Variants in CAPRIN1 observed in about 807,000 individuals in gnomAD.
CAPRIN1 encodes caprin-1.
Under a neutral mutation model 100.9 loss-of-function variants are expected in CAPRIN1, and 29 were observed. The ratio of observed to expected loss-of-function variants is 0.29; its 90% CI spans 0.21 to 0.39. The LOEUF (loss-of-function observed/expected upper bound fraction) is 0.39. Among genes scored for constraint, CAPRIN1 ranks in the 10% least tolerant of loss-of-function variants. The probability of loss-of-function intolerance (pLI) is 1.00; values close to 1 mark genes in which losing one functional copy is unlikely to be tolerated. For missense variants in CAPRIN1, 795 were observed against 876.7 expected (o/e 0.91, Z 1.18); for synonymous variants, 338 against 307.5 (o/e 1.10, Z -1.04).
intron 9 of CAPRIN1, among the ~76,000 whole-genome samples, chr11:34,084,589 T>C (rs1220032672): frequency 6.6e-6 from 1 of 152,132 alleles, no homozygotes; most frequent in Non-Finnish European, 1.5e-5. Context: ...GACCCACATA[T>C]ATACAGGTGT....
At chr11:34,071,369 G>A (rs1850801688) in intron 2 of CAPRIN1, among the ~76,000 whole-genome samples, 1 of 152,090 alleles carries the variant, frequency 6.6e-6, no homozygotes, top group Admixed American at 6.6e-5. Context: ...TTTGAGATCA[G>A]CCTGGCCACA....
chr11:34,076,429 A>T lies in CAPRIN1; in HGVS notation c.560A>T (p.Asp187Val). Residue 187 changes from aspartate to valine, a missense_variant, in exon 5 of 19, where the codon GAT becomes GTT. By Grantham distance (152) the Asp-to-Val change is radical. Transcript: ENST00000341394. Reference protein sequence around the residue: ...ILSEEELSLLDEFYKLVDPER... With the variant: ...ILSEEELSLLVEFYKLVDPER... ...TCCGAAGAGGAGTTGTCATTGTTGG[A>T]TGAATTCTATAAGCTAGTAGACCCT... 1 of 1,614,242 alleles carries T rather than the reference A, an allele frequency of 6.2e-7. No homozygotes were observed. Among genetic ancestry groups the T allele is most frequent in the Non-Finnish European group, 8.5e-7 (1 of 1,180,032 alleles).
rs1015809654 is a variant in CAPRIN1, at chr11:34,100,285, G to A, written c.*918G>A. On this transcript the variant is annotated 3_prime_UTR_variant, in exon 19 of 19. Transcript: ENST00000341394. ...ACAGGTACTGATGAAAATCTCTAGT[G>A]GATAATCATAACACTCTCGGTCACA... is the stretch of plus-strand genomic sequence containing the variant. The A allele has an allele frequency of 6.6e-6, 1 of 152,034 alleles. No homozygotes were observed. Among genetic ancestry groups the A allele is most frequent in the Non-Finnish European group, 1.5e-5 (1 of 68,012 alleles). 9.4% of individuals were successfully genotyped at this position (152,034 alleles called of 1,614,324 possible).
At chr11:34,062,863 A>G (rs958332) in intron 2 of CAPRIN1, among the ~76,000 whole-genome samples, 1 of 151,938 alleles carries the variant, frequency 6.6e-6, no homozygotes, top group African/African-American at 2.4e-5. Context: ...TTTTCCTGGA[A>G]AGCCAAGTTA....
At chr11:34,090,749 A>G in intron 14 of CAPRIN1, 71 bp downstream of exon 14, 1 of 1,397,432 alleles carries the variant, frequency 7.2e-7, no homozygotes, top group Non-Finnish European at 1.0e-6. Flanking sequence ...TTTCTTTTTT[A>G]AAGGTCTTCA....
At chr11:34,088,547 A>G (rs1380801538) in intron 11 of CAPRIN1, among the ~76,000 whole-genome samples, 1 of 152,066 alleles carries the variant, frequency 6.6e-6, no homozygotes, top group Non-Finnish European at 1.5e-5. Flanking sequence ...GGTGGCATGC[A>G]TCTATAGTCC....
Position 34,089,433 on chromosome 11 carries a change from C to T in CAPRIN1, c.1270C>T (p.Pro424Ser). The change falls in exon 12 of 19, where the codon CCT becomes TCT. Residue 424 changes from proline (P) to serine (S), a missense_variant. This residue lies in a region of CAPRIN1 where 648 missense variants were observed against 697.9 expected (regional missense o/e 0.93). Transcript: ENST00000341394. ...ESRLAQPNQV[P>S]VQPEATQVPL... ...TAGACTTGCTCAGCCTAATCAAGTT[C>T]CTGTACAACCAGAAGCGACACAGGT... 1.2e-6 allele frequency: 2 copies of T among 1,607,680 alleles called. No homozygotes were observed. Among genetic ancestry groups the T allele is most frequent in the Admixed American group, 1.7e-5 (1 of 59,718 alleles).
chr11:34,070,789 G>A (rs1850791554), intron 2 of CAPRIN1, among the ~76,000 whole-genome samples: 1 of 151,900 alleles, frequency 6.6e-6, no homozygotes, highest in Admixed American at 6.6e-5. Flanking sequence ...CGCAGCCTCT[G>A]CCTCTTGGGT....
Position 34,079,776 on chromosome 11 carries a change from G to A in CAPRIN1, c.826+11G>A. On this transcript the variant is annotated intron_variant, in intron 7 of 18. Coordinates refer to ENST00000341394, the MANE Select transcript of CAPRIN1 (RefSeq NM_005898.5). ...AGGTACCTGAAGCTGGTGAGTATTA[G>A]GTGGATATCAACTTTAGTTTAGGGT... 6.2e-7 allele frequency: 1 copy of A among 1,607,470 alleles called. No homozygotes were observed. Among genetic ancestry groups the A allele is most frequent in the African/African-American group, 1.3e-5 (1 of 74,650 alleles).
intron 2 of CAPRIN1, among the ~76,000 whole-genome samples, chr11:34,071,016 T>C (rs928384561): frequency 1.3e-5 from 2 of 152,216 alleles, no homozygotes; most frequent in Non-Finnish European, 2.9e-5. Context: ...AATACTCTTA[T>C]ATCACCTAGT....
In CAPRIN1 at chr11:34,094,356, T is replaced by C. The variant is rs568031089; in HGVS notation, c.1706-2123T>C. Among the ~76,000 whole-genome samples, 4 of 152,134 alleles carry C rather than the reference T, an allele frequency of 2.6e-5. No individual in the cohort carries two copies. In the East Asian group the frequency reaches 7.7e-4, roughly 29 times the overall value. On this transcript the variant is annotated intron_variant, in intron 15 of 18. Coordinates refer to ENST00000341394, the MANE Select transcript of CAPRIN1 (RefSeq NM_005898.5). ...CAGGCGTGAGCCACCATTCCCGGCC[T>C]GATATTTGTTGAAGAAATCATTTCA...
chr11:34,052,300 A>C (rs1226869783), intron 1 of CAPRIN1, 121 bp from the exon 2 acceptor site: 2 of 837,926 alleles, frequency 2.4e-6, no homozygotes, highest in Non-Finnish European at 1.9e-6. Context: ...CCCCTCCCCC[A>C]CCCGCTCGCG....
chr11:34,055,579 G>C (rs961548458), intron 2 of CAPRIN1: 1 of 152,138 alleles, frequency 6.6e-6, no homozygotes, highest in Admixed American at 6.6e-5. Flanking sequence ...CAGCCGCCTC[G>C]GCCTCCCAGA....
In CAPRIN1 at chr11:34,069,767, C is replaced by G. The variant is rs533017317; in HGVS notation, c.217-1959C>G. Reference sequence around the variant, plus strand: ...TAATAAAATTGGGTACTATTAAAAGCCTTTAATGTCTTAGTGATTATCTTG... The same window carrying G: ...TAATAAAATTGGGTACTATTAAAAGGCTTTAATGTCTTAGTGATTATCTTG... On this transcript the variant is annotated intron_variant, in intron 2 of 18. Coordinates refer to ENST00000341394, the MANE Select transcript of CAPRIN1 (RefSeq NM_005898.5). 9.9e-5 allele frequency among the ~76,000 whole-genome samples: 15 copies of G among 151,794 alleles called. No homozygotes were observed. In the South Asian group the frequency reaches 3.1e-3, roughly 32 times the overall value.
rs1851457330 is a variant in CAPRIN1 at position 34,101,709 on chromosome 11, G to A, written c.*2342G>A. Among the ~76,000 whole-genome samples, 1 of 152,148 alleles carries A rather than the reference G, an allele frequency of 6.6e-6. No individual in the cohort carries two copies. Among genetic ancestry groups the A allele is most frequent in the Non-Finnish European group, 1.5e-5 (1 of 68,016 alleles). Reference sequence around the variant, plus strand: ...TAAAGGGGTGCCTCATTATGGGGCAGAGAACTTTTCAATAAGTCTCATTAA... The same window carrying A: ...TAAAGGGGTGCCTCATTATGGGGCAAAGAACTTTTCAATAAGTCTCATTAA... On this transcript the variant is annotated 3_prime_UTR_variant, in exon 19 of 19. Transcript: ENST00000341394.
At chr11:34,096,723 A>G (rs750436107) in intron 16 of CAPRIN1, 50 bp downstream of exon 16, 3 of 1,405,324 alleles carry the variant, frequency 2.1e-6, no homozygotes, top group South Asian at 2.6e-5. Flanking sequence ...AGTTCAAATT[A>G]TTTTTTGATT....
intron 6 of CAPRIN1, 148 bp from the exon 7 acceptor site, chr11:34,079,480 G>T: frequency 1.7e-6 from 1 of 597,388 alleles, no homozygotes; most frequent in Non-Finnish European, 2.9e-6. Flanking sequence ...ATACATTTCT[G>T]TTCTTGGTGA....
At chr11:34,077,509 A>AT (rs1318913249) in intron 6 of CAPRIN1, among the ~76,000 whole-genome samples, 1 of 152,094 alleles carries the variant, frequency 6.6e-6, no homozygotes, top group Non-Finnish European at 1.5e-5. Flanking sequence ...CTGTGAACTG[A>AT]TTTTTTTAAA....
chr11:34,091,330 A>G (rs774087328), intron 14 of CAPRIN1, among the ~76,000 whole-genome samples: 4 of 152,230 alleles, frequency 2.6e-5, no homozygotes, highest in Non-Finnish European at 4.4e-5. Flanking sequence ...TCCGTCGCCC[A>G]GGCTGGAGTG....
Sources: allele counts gnomAD v4.1 joint callset (sites outside exome capture counted in the v4.1 genomes callset), GRCh38; gene constraint gnomAD v4.1.1; regional missense constraint gnomAD v4.1.1; transcripts MANE v1.5; gene names NCBI Gene and HGNC (gene_info 2026-07-23, HGNC 2026-07-21).